MAPKAP1: variants seen among roughly 807,000 people sequenced by gnomAD.
MAPKAP1 encodes MAPK associated protein 1.
In MAPKAP1, 20 loss-of-function variants were observed where a neutral mutation model predicts 65.7. The observed-to-expected ratio is 0.30, with a 90% CI of 0.21 to 0.44. MAPKAP1 has a LOEUF of 0.44. Ranked by LOEUF, MAPKAP1 falls within the 20% of genes least tolerant of loss-of-function variation. The pLI is 1.00. For synonymous variants in MAPKAP1, 222 were observed against 244.3 expected (o/e 0.91, Z 0.85); for missense variants, 423 against 648.0 (o/e 0.65, Z 3.77).
chr9:125,518,087 A>G (rs764138290), intron 7 of MAPKAP1, among the ~76,000 whole-genome samples: 25 of 152,342 alleles, frequency 1.6e-4, no homozygotes, highest in Admixed American at 1.1e-3. Flanking sequence ...TGAACTCAAC[A>G]ATCTACTTCT....
Position 125,595,786 on chromosome 9 carries a change from C to T in MAPKAP1, c.499-10059G>A. The T allele has an allele frequency of 8.4e-7, 1 of 1,195,536 alleles. No homozygotes were observed. Among genetic ancestry groups the T allele is most frequent in the Non-Finnish European group, 1.2e-6 (1 of 815,934 alleles). 74.1% of individuals were successfully genotyped at this position (1,195,536 alleles called of 1,614,324 possible). On this transcript the variant is annotated intron_variant, in intron 4 of 11. Transcript: ENST00000265960. This position sits in a 1 kb window ranked among gnomAD's most constrained non-coding sequence, Gnocchi z 4.0. ...GCCATTGTGAGCAATGGGGAACGCT[C>T]CCAGACTGTGTGGTAATGAAAGATT... is the stretch of plus-strand genomic sequence containing the variant.
chr9:125,518,303 G>A (rs1829521696), intron 7 of MAPKAP1, among the ~76,000 whole-genome samples: 1 of 151,952 alleles, frequency 6.6e-6, no homozygotes, highest in Non-Finnish European at 1.5e-5. Flanking sequence ...TTGGTTGGGT[G>A]CAGTGGCTCA....
intron 4 of MAPKAP1, among the ~76,000 whole-genome samples, chr9:125,615,397 G>GTA (rs1332942520): frequency 1.3e-5 from 2 of 152,048 alleles, no homozygotes; most frequent in Non-Finnish European, 2.9e-5. Flanking sequence ...TTTTAAAAAT[G>GTA]TATATATGGA....
intron 6 of MAPKAP1, among the ~76,000 whole-genome samples, chr9:125,544,940 T>C (rs1425392893): frequency 6.6e-6 from 1 of 152,214 alleles, no homozygotes; most frequent in Non-Finnish European, 1.5e-5. Context: ...GCTTCCCTAA[T>C]ACAGAGACAT....
chr9:125,557,012 T>G (rs1213360046), intron 6 of MAPKAP1, among the ~76,000 whole-genome samples: 4 of 152,188 alleles, frequency 2.6e-5, no homozygotes, highest in Non-Finnish European at 5.9e-5. Flanking sequence ...TAAACTCTCT[T>G]GAATTTTAAA....
At chr9:125,564,585 C>T (rs927114376) in intron 5 of MAPKAP1, among the ~76,000 whole-genome samples, 1 of 152,208 alleles carries the variant, frequency 6.6e-6, no homozygotes, top group African/African-American at 2.4e-5. Flanking sequence ...TTGTCAGCCT[C>T]ACTCACGTCC....
chr9:125,651,184 C>G (rs1833882619), intron 4 of MAPKAP1, among the ~76,000 whole-genome samples: 1 of 152,186 alleles, frequency 6.6e-6, no homozygotes, highest in South Asian at 2.1e-4. Flanking sequence ...TATCTAAACT[C>G]CATCTTCTTT....
At chr9:125,505,757 C>T (rs1829121621) in intron 8 of MAPKAP1, among the ~76,000 whole-genome samples, 2 of 152,180 alleles carry the variant, frequency 1.3e-5, no homozygotes, top group African/African-American at 2.4e-5. Flanking sequence ...AGTCTGCTGC[C>T]GCAAGCGCAG....
intron 4 of MAPKAP1, among the ~76,000 whole-genome samples, chr9:125,591,913 T>C (rs1831977456): frequency 6.6e-6 from 1 of 152,222 alleles, no homozygotes; most frequent in South Asian, 2.1e-4. Context: ...ACAAAGATCA[T>C]ATCATACAGT....
At chr9:125,521,280 T>C (rs1829610045) in intron 7 of MAPKAP1, among the ~76,000 whole-genome samples, 1 of 132,212 alleles carries the variant, frequency 7.6e-6, no homozygotes, top group Admixed American at 7.5e-5. Flanking sequence ...CCCCTACTAT[T>C]TGTAAAAAAG....
intron 4 of MAPKAP1, among the ~76,000 whole-genome samples, chr9:125,649,777 T>C (rs963573246): frequency 1.6e-5 from 2 of 121,810 alleles, no homozygotes; most frequent in African/African-American, 3.2e-5. Flanking sequence ...CAGCTGCCAA[T>C]GGGTGACAGA....
At chr9:125,598,646 G>A (rs1383364220) in intron 4 of MAPKAP1, among the ~76,000 whole-genome samples, 1 of 152,158 alleles carries the variant, frequency 6.6e-6, no homozygotes, top group African/African-American at 2.4e-5. Context: ...CTTACTATGT[G>A]TGCCTGGACA....
chr9:125,480,094 T>G (rs1007067115), intron 9 of MAPKAP1, among the ~76,000 whole-genome samples: 3 of 152,200 alleles, frequency 2.0e-5, no homozygotes, highest in African/African-American at 7.2e-5. Context: ...ATTTCTGGAT[T>G]GCTAGGTGTG....
intron 7 of MAPKAP1, among the ~76,000 whole-genome samples, chr9:125,517,281 G>A (rs1379689978): frequency 6.6e-6 from 1 of 152,160 alleles, no homozygotes; most frequent in African/African-American, 2.4e-5. Flanking sequence ...CAGGCAGCAG[G>A]GAAGAGTAGG....
At chr9:125,546,239 C>T (rs558115971) in intron 6 of MAPKAP1, among the ~76,000 whole-genome samples, 3 of 152,306 alleles carry the variant, frequency 2.0e-5, no homozygotes, top group East Asian at 1.9e-4. Flanking sequence ...TCCGTAAAAA[C>T]GTGCACGTTA....
intron 4 of MAPKAP1, among the ~76,000 whole-genome samples, chr9:125,613,308 T>A (rs1170983945): frequency 1.3e-5 from 2 of 152,324 alleles, no homozygotes; most frequent in East Asian, 3.9e-4. Flanking sequence ...AAGCGCATAT[T>A]TCCCAACTGC....
intron 7 of MAPKAP1, among the ~76,000 whole-genome samples, chr9:125,522,861 A>G (rs545778077): frequency 3.3e-5 from 5 of 152,260 alleles, no homozygotes; most frequent in Middle Eastern, 3.4e-3. Context: ...TTCAGTGCAT[A>G]TATGTCCTGG....
intron 4 of MAPKAP1, among the ~76,000 whole-genome samples, chr9:125,632,410 T>C (rs761950852): frequency 2.6e-5 from 4 of 152,158 alleles, no homozygotes; most frequent in Non-Finnish European, 5.9e-5. Flanking sequence ...CAAGAAATAT[T>C]TGAGAAATGA....
At chr9:125,519,330 G>C (rs1051218163) in intron 7 of MAPKAP1, among the ~76,000 whole-genome samples, 1 of 152,094 alleles carries the variant, frequency 6.6e-6, no homozygotes, top group Admixed American at 6.6e-5. Flanking sequence ...GAGCATCTGG[G>C]GCCAGACTAC....
Sources: gnomAD v4.1 joint callset for allele counts (sites outside exome capture counted in the v4.1 genomes callset) on GRCh38, gnomAD v4.1.1 for gene constraint, Gnocchi (gnomAD v3.1) non-coding constraint, MANE v1.5 for transcripts, NCBI Gene and HGNC (gene_info 2026-07-23, HGNC 2026-07-21) for gene names.